DRAXIN: variants seen among roughly 807,000 people sequenced by gnomAD.
The protein encoded by DRAXIN is dorsal inhibitory axon guidance protein, also known as dorsal repulsive axon guidance protein.
A neutral mutation model predicts 33.9 loss-of-function variants in DRAXIN; 27 were observed. The observed-to-expected ratio is 0.80, with a 90% CI of 0.59 to 1.10. The LOEUF (loss-of-function observed/expected upper bound fraction) is 1.10. Among genes scored for constraint, DRAXIN ranks in the 50% least tolerant of loss-of-function variants. The probability of loss-of-function intolerance (pLI) is 0.00; values close to 1 mark genes in which losing one functional copy is unlikely to be tolerated. For synonymous variants in DRAXIN, 178 were observed against 194.0 expected (o/e 0.92, Z 0.69); for missense variants, 371 against 460.8 (o/e 0.81, Z 1.78).
In DRAXIN at chr1:11,692,900, A is replaced by G. The variant is rs1242593895; in HGVS notation, c.-11+1047A>G. Among the ~76,000 whole-genome samples the G allele has an allele frequency of 6.6e-6, 1 of 151,790 alleles. No individual in the cohort carries two copies. The highest frequency in any genetic ancestry group is 1.5e-5 in the Non-Finnish European group (1 of 67,928). On this transcript the variant is annotated intron_variant, in intron 1 of 6. Coordinates refer to ENST00000294485, the MANE Select transcript of DRAXIN (RefSeq NM_198545.4). This position sits in a 1 kb window ranked among gnomAD's most constrained non-coding sequence, Gnocchi z 5.8. ...TCCCTACCTATAGGGATGTGTGTGG[A>G]AATTGTGGGGTGCCGCTTGGTGCTG... is the stretch of plus-strand genomic sequence containing the variant.
intron 1 of DRAXIN, among the ~76,000 whole-genome samples, chr1:11,702,695 ACACT>A (rs1291848767): frequency 3.3e-5 from 5 of 151,558 alleles, no homozygotes; most frequent in Non-Finnish European, 7.4e-5. Flanking sequence ...TCACACACAC[ACACT>A]CACACATCCT....
At chr1:11,695,675 A>G (rs1411617619) in intron 1 of DRAXIN, among the ~76,000 whole-genome samples, 1 of 152,122 alleles carries the variant, frequency 6.6e-6, no homozygotes, top group African/African-American at 2.4e-5. Flanking sequence ...CTCTGGGCCT[A>G]GAACCTAGAA....
At position 11,715,074 on chromosome 1, in the gene DRAXIN, G is replaced by A. The variant is rs758137083; in HGVS notation, c.848-45G>A. ...GGACCGAGTGCAGGGCTGCGGGGAG[G>A]GGCGGCTCAGCTTGGCTGACTGCGT... is the stretch of plus-strand genomic sequence containing the variant. On this transcript the variant is annotated intron_variant, in intron 5 of 6. Transcript: ENST00000294485. The A allele has an allele frequency of 1.9e-6, 3 of 1,605,208 alleles. No homozygotes were observed. The South Asian group carries it at 3.3e-5, about 18-fold the overall frequency.
At chr1:11,707,348 ACT>A (rs1469240056) in intron 2 of DRAXIN, among the ~76,000 whole-genome samples, 1 of 152,064 alleles carries the variant, frequency 6.6e-6, no homozygotes, top group Non-Finnish European at 1.5e-5. Context: ...TTCTTACTCG[ACT>A]CTGACGCATC....
intron 1 of DRAXIN, among the ~76,000 whole-genome samples, chr1:11,702,235 A>C (rs534293099): frequency 1.3e-4 from 20 of 148,614 alleles, no homozygotes; most frequent in Admixed American, 1.2e-3. Context: ...CTCACAACAC[A>C]TACACGCTCT....
chr1:11,693,255 C>T (rs1641126750), intron 1 of DRAXIN, among the ~76,000 whole-genome samples: 1 of 152,030 alleles, frequency 6.6e-6, no homozygotes, highest in South Asian at 2.1e-4. Flanking sequence ...GTGTTGCCAA[C>T]AACTGATCAC....
chr1:11,697,694 C>G (rs1641212770), intron 1 of DRAXIN, among the ~76,000 whole-genome samples: 1 of 151,988 alleles, frequency 6.6e-6, no homozygotes, highest in South Asian at 2.1e-4. Context: ...CACAGAGGGG[C>G]TCAGCTAGTG....
At chr1:11,690,563 G>A (rs1641041561), upstream of DRAXIN, among the ~76,000 whole-genome samples, 2 of 152,200 alleles carry the variant, frequency 1.3e-5, no homozygotes, top group Admixed American at 6.5e-5. This position sits in a 1 kb window ranked among gnomAD's most constrained non-coding sequence, Gnocchi z 4.2. Context: ...TTAGCCTGAC[G>A]GCAGAACTGT....
chr1:11,710,048 G>A (rs1174695055), intron 3 of DRAXIN, among the ~76,000 whole-genome samples: 1 of 152,104 alleles, frequency 6.6e-6, no homozygotes, highest in Non-Finnish European at 1.5e-5. Flanking sequence ...AGCTGAGTGT[G>A]GTGGCGCACG....
chr1:11,715,773 G>A (rs771771357), intron 6 of DRAXIN, among the ~76,000 whole-genome samples: 49 of 151,974 alleles, frequency 3.2e-4, no homozygotes, highest in Non-Finnish European at 5.4e-4. Flanking sequence ...CCCTAGAAAG[G>A]AGCTATGATG....
chr1:11,717,629 T>TC (rs1641596498), intron 6 of DRAXIN, among the ~76,000 whole-genome samples: 1 of 134,564 alleles, frequency 7.4e-6, no homozygotes, highest in African/African-American at 2.9e-5. Flanking sequence ...GCCTCTGCAC[T>TC]CCAGCCTGGG....
At chr1:11,686,838 T>A (rs1640966459), upstream of DRAXIN, among the ~76,000 whole-genome samples, 1 of 150,472 alleles carries the variant, frequency 6.6e-6, no homozygotes, top group South Asian at 2.1e-4. Flanking sequence ...AAAACTTCTC[T>A]GTGGAGATAT....
At chr1:11,689,162 C>T (rs902485065), upstream of DRAXIN, among the ~76,000 whole-genome samples, 1 of 151,880 alleles carries the variant, frequency 6.6e-6, no homozygotes, top group Non-Finnish European at 1.5e-5. Flanking sequence ...CTGAGCATGG[C>T]GGTGTGTGCC....
At chr1:11,713,563 C>T (rs1024687575) in intron 5 of DRAXIN, among the ~76,000 whole-genome samples, 1 of 152,126 alleles carries the variant, frequency 6.6e-6, no homozygotes, top group Non-Finnish European at 1.5e-5. Context: ...GGGGGTCCGT[C>T]GGACCTTCCA....
At chr1:11,717,828 C>CAA (rs70983586) in intron 6 of DRAXIN, among the ~76,000 whole-genome samples, 2,214 of 109,972 alleles carry the variant, frequency 0.02, 71 homozygotes, top group African/African-American at 0.069. Flanking sequence ...ACCAAAAATA[C>CAA]AAAAAAAAAA....
chr1:11,706,687 G>C lies in DRAXIN; in HGVS notation c.429G>C (p.Arg143Ser), dbSNP rs553995398. 3.1e-6 allele frequency: 5 copies of C among 1,589,320 alleles called. No individual in the cohort carries two copies. The highest frequency in any genetic ancestry group is 2.7e-5 in the African/African-American group (2 of 74,788). ...RKRSREHKRR[R>S]DRLRLHQGRA... ...GCAGCAGGGAGCACAAGAGACGCAG[G>C]GACAGGTTGAGGCTGCACCAAGGTA... Residue 143 changes from arginine (R) to serine (S), a missense_variant, in exon 2 of 7, where the codon AGG (arginine) becomes AGC (serine). Coordinates refer to ENST00000294485, the MANE Select transcript of DRAXIN (RefSeq NM_198545.4). This position sits in a 1 kb window ranked among gnomAD's most constrained non-coding sequence, Gnocchi z 5.5.
chr1:11,690,725 C>A (rs1641046446), upstream of DRAXIN, among the ~76,000 whole-genome samples: 1 of 152,138 alleles, frequency 6.6e-6, no homozygotes, highest in South Asian at 2.1e-4. This position sits in a 1 kb window ranked among gnomAD's most constrained non-coding sequence, Gnocchi z 4.2. Context: ...TTGCAGCGTC[C>A]GTGGCCCCAC....
rs1422944457 is a variant in DRAXIN, at chr1:11,694,737, A to C, written c.-11+2884A>C. 6.6e-6 allele frequency among the ~76,000 whole-genome samples: 1 copy of C among 151,854 alleles called. No individual in the cohort carries two copies. Among genetic ancestry groups the C allele is most frequent in the Non-Finnish European group, 1.5e-5 (1 of 67,932 alleles). On this transcript the variant is annotated intron_variant, in intron 1 of 6. Coordinates refer to ENST00000294485, the MANE Select transcript of DRAXIN (RefSeq NM_198545.4). This position sits in a 1 kb window ranked among gnomAD's most constrained non-coding sequence, Gnocchi z 4.9. ...TCCGCTGGCCCTCTCTGCATGCCCT[A>C]CTCCAGCCTTCCTTCTCAGGGGTGA...
At position 11,725,443 on chromosome 1, in the gene DRAXIN, T is replaced by A. The variant is rs1641732157; in HGVS notation, c.*5747T>A. 3 of 152,258 alleles carry A rather than the reference T, an allele frequency of 2.0e-5. No homozygotes were observed. Among genetic ancestry groups the A allele is most frequent in the Admixed American group, 2.0e-4 (3 of 15,284 alleles). The allele number at this position is 152,258 out of a possible 1,614,324, so 9.4% of individuals were successfully genotyped here. On this transcript the variant is annotated 3_prime_UTR_variant, in exon 7 of 7. Coordinates refer to ENST00000294485, the MANE Select transcript of DRAXIN (RefSeq NM_198545.4). Reference sequence around the variant, plus strand: ...TTTCACAAGTTCTCCAGGTCATTCTTGGGCACGATCAAATTTGAGAATCAC... The same window carrying A: ...TTTCACAAGTTCTCCAGGTCATTCTAGGGCACGATCAAATTTGAGAATCAC...
Sources: allele counts gnomAD v4.1 joint callset (sites outside exome capture counted in the v4.1 genomes callset), GRCh38; gene constraint gnomAD v4.1.1; non-coding constraint Gnocchi (gnomAD v3.1); transcripts MANE v1.5; gene names NCBI Gene and HGNC (gene_info 2026-07-23, HGNC 2026-07-21).